ZNF69: variants seen among roughly 807,000 people sequenced by gnomAD.
The protein encoded by ZNF69 is ZNF3.
In ZNF69, 47 loss-of-function variants were observed where a neutral mutation model predicts 50.9. The ratio of observed to expected loss-of-function variants is 0.92; its 90% CI spans 0.73 to 1.18. The LOEUF is 1.18. ZNF69 is among the 50% of genes most tolerant of loss of function. The pLI, the probability that ZNF69 is intolerant of heterozygous loss-of-function variation, is 0.00. For missense variants in ZNF69, 717 were observed against 675.1 expected (o/e 1.06, Z -0.69); for synonymous variants, 216 against 223.1 (o/e 0.97, Z 0.29).
At chr19:11,973,448 C>G in the ZNF69 span, among the ~76,000 whole-genome samples, 1 of 152,158 alleles carries the variant, frequency 6.6e-6, no homozygotes, top group Admixed American at 6.5e-5. Context: ...CTCCTCAGCT[C>G]AGGTGATTCT....
chr19:11,954,554 G>C, the ZNF69 span, among the ~76,000 whole-genome samples: 2 of 152,116 alleles, frequency 1.3e-5, 1 homozygote, highest in East Asian at 3.9e-4. Context: ...TTCATTGCTG[G>C]GCACAGTGGC....
intron 1 of ZNF69, among the ~76,000 whole-genome samples, chr19:11,892,778 C>A (rs1047681061): frequency 5.9e-5 from 9 of 152,258 alleles, no homozygotes; most frequent in African/African-American, 1.9e-4. Context: ...GACTCAACCC[C>A]ATGATTGCAT....
chr19:11,974,071 TTCTTTCTTTCTTTC>T, the ZNF69 span, among the ~76,000 whole-genome samples: 1 of 61,146 alleles, frequency 1.6e-5, no homozygotes. Context: ...CTTCTTTCTT[TTCTTTCTTTCTTTC>T]TTTCTTTCTT....
chr19:11,888,730 G>T (rs1187778107), intron 1 of ZNF69, among the ~76,000 whole-genome samples: 1 of 152,148 alleles, frequency 6.6e-6, no homozygotes, highest in Non-Finnish European at 1.5e-5. Flanking sequence ...CACTTTGGGA[G>T]GCCAAGGCGG....
At chr19:11,963,750 C>T in the ZNF69 span, among the ~76,000 whole-genome samples, 1 of 152,186 alleles carries the variant, frequency 6.6e-6, no homozygotes, top group East Asian at 1.9e-4. Flanking sequence ...CCCATCTCTG[C>T]TCTCCCGGGC....
At chr19:11,961,041 G>T in the ZNF69 span, among the ~76,000 whole-genome samples, 1 of 152,176 alleles carries the variant, frequency 6.6e-6, no homozygotes, top group South Asian at 2.1e-4. Flanking sequence ...CACTTTGGGA[G>T]GCCGAGGCAG....
chr19:11,949,765 A>C, the ZNF69 span: 18 of 1,612,060 alleles, frequency 1.1e-5, no homozygotes, highest in Non-Finnish European at 1.4e-5. Flanking sequence ...ACACCTTCGA[A>C]TGCATGAAAG....
intron 1 of ZNF69, among the ~76,000 whole-genome samples, chr19:11,891,860 T>C (rs1018229045): frequency 2.6e-5 from 4 of 152,188 alleles, no homozygotes; most frequent in Non-Finnish European, 4.4e-5. Context: ...TGAACTTAAA[T>C]TGGTGTTTCT....
chr19:11,909,093 A>C (rs1972420699), downstream of ZNF69, among the ~76,000 whole-genome samples: 1 of 152,214 alleles, frequency 6.6e-6, no homozygotes, highest in Non-Finnish European at 1.5e-5. Context: ...AAATTCCTGG[A>C]CACATACACC....
chr19:11,901,948 A>ATGT (rs1049290576), intron 1 of ZNF69, among the ~76,000 whole-genome samples: 5 of 146,484 alleles, frequency 3.4e-5, no homozygotes, highest in African/African-American at 1.3e-4. Flanking sequence ...GGTTTCATGC[A>ATGT]TGTTGTAGTA....
the ZNF69 span, among the ~76,000 whole-genome samples, chr19:11,941,714 C>T: frequency 5.3e-5 from 8 of 152,344 alleles, no homozygotes; most frequent in East Asian, 1.9e-4. Flanking sequence ...AGCCGGCTCC[C>T]GCCTTGGTCA....
chr19:11,904,950 G>T lies in ZNF69; in HGVS notation c.553G>T (p.Asp185Tyr). Residue 185 changes from aspartate to tyrosine, a missense_variant, in exon 4 of 4, where the codon GAT (aspartate) becomes TAT (tyrosine). Transcript: ENST00000429654. ...CCCCTCCTTTAGAACACCACAAAGG[G>T]ATCACACTGGAGAGAAACCCTATGC... ...YHPSFRTPQRDHTGEKPYACK... is the reference protein window; with the variant it reads ...YHPSFRTPQRYHTGEKPYACK... The T allele has an allele frequency of 6.2e-7, 1 of 1,614,178 alleles. No homozygotes were observed. Among genetic ancestry groups the T allele is most frequent in the Non-Finnish European group, 8.5e-7 (1 of 1,180,030 alleles).
At chr19:11,940,943 CAG>C in the ZNF69 span, among the ~76,000 whole-genome samples, 1 of 152,062 alleles carries the variant, frequency 6.6e-6, no homozygotes. Context: ...GAGCTAGACA[CAG>C]GGTGCTGATT....
chr19:11,891,735 T>C (rs1176555986), intron 1 of ZNF69, among the ~76,000 whole-genome samples: 1 of 152,152 alleles, frequency 6.6e-6, no homozygotes, highest in Non-Finnish European at 1.5e-5. Context: ...CATTCTGTTG[T>C]TGTGGGAGTG....
the ZNF69 span, chr19:11,925,269 A>G: frequency 1.2e-6 from 2 of 1,612,310 alleles, no homozygotes; most frequent in Non-Finnish European, 1.7e-6. Flanking sequence ...GAAAGCCGGG[A>G]AATGGTGCGT....
At chr19:11,957,938 AG>A in the ZNF69 span, among the ~76,000 whole-genome samples, 1 of 152,190 alleles carries the variant, frequency 6.6e-6, no homozygotes. Flanking sequence ...ATCACTAAAG[AG>A]AAAACTGTTC....
chr19:11,977,010 C>G, the ZNF69 span: 1 of 1,613,216 alleles, frequency 6.2e-7, no homozygotes, highest in East Asian at 2.2e-5. Context: ...TCTCACCCAG[C>G]CTCCTCTACA....
chr19:11,948,009 CAAAAG>C, the ZNF69 span, among the ~76,000 whole-genome samples: 3 of 152,018 alleles, frequency 2.0e-5, no homozygotes, highest in Admixed American at 6.6e-5. Context: ...GAACTGGACT[CAAAAG>C]AAAAATGACA....
the ZNF69 span, chr19:11,978,158 T>C: frequency 6.2e-7 from 1 of 1,613,740 alleles, no homozygotes; most frequent in South Asian, 1.1e-5. Flanking sequence ...AAGAAGACAG[T>C]CATTGTGGAG....
Sources: gnomAD v4.1 joint callset for allele counts (sites outside exome capture counted in the v4.1 genomes callset) on GRCh38, gnomAD v4.1.1 for gene constraint, MANE v1.5 for transcripts, NCBI Gene and HGNC (gene_info 2026-07-23, HGNC 2026-07-21) for gene names.